The following MIDEAS variants were observed in gnomAD, a reference collection of about 807,000 sequenced individuals.
MIDEAS encodes mitotic deacetylase associated SANT domain protein.
In MIDEAS, 26 loss-of-function variants were observed where a neutral mutation model predicts 102.7. That is an observed-to-expected ratio of 0.25 (90% CI 0.19 to 0.35). The LOEUF (loss-of-function observed/expected upper bound fraction) is 0.35, where lower values mean the gene tolerates loss of function less well. Among genes scored for constraint, MIDEAS ranks in the 10% least tolerant of loss-of-function variants. The probability of loss-of-function intolerance (pLI) is 1.00; values close to 1 mark genes in which losing one functional copy is unlikely to be tolerated. For synonymous variants in MIDEAS, 585 were observed against 591.0 expected, an observed-to-expected ratio of 0.99 and a Z score of 0.15; for missense variants, 1,231 against 1,435.6, an observed-to-expected ratio of 0.86 and a Z score of 2.30.
chr14:73,751,411 G>A (rs1364632781), intron 1 of MIDEAS, among the ~76,000 whole-genome samples: 1 of 152,192 alleles, frequency 6.6e-6, no homozygotes, highest in Non-Finnish European at 1.5e-5. Flanking sequence ...CCACCATGAT[G>A]TTCTGAGATG....
rs998025172 is a variant in MIDEAS at position 73,737,235 on chromosome 14, C to T, written c.1512G>A (p.Val504=). 3.7e-6 allele frequency: 6 copies of T among 1,614,014 alleles called. No homozygotes were observed. In the African/African-American group the frequency reaches 6.7e-5, roughly 18 times the overall value. The change falls in exon 3 of 13, where the codon GTG becomes GTA. Residue 504 remains valine, a synonymous_variant. Transcript: ENST00000423556. The part of the protein sequence containing the change: ...SVLASTTKCG[V]EFSEPSLATK... ...TGGCTAAGGAAGGCTCAGAAAACTC[C>T]ACCCCACACTTGGTAGTTGAGGCCA...
rs1256597424 is a variant in MIDEAS at position 73,735,545 on chromosome 14, C to A, written c.1749+1453G>T. Among the ~76,000 whole-genome samples, 5 of 152,146 alleles carry A rather than the reference C, an allele frequency of 3.3e-5. No individual in the cohort carries two copies. In the East Asian group the frequency reaches 9.6e-4, roughly 29 times the overall value. ...ATAAATAGAAAGATATAAACTGTATCAATTCTCTAAAAGACTGGATAATAA... is the reference window on the plus strand; with the variant it reads ...ATAAATAGAAAGATATAAACTGTATAAATTCTCTAAAAGACTGGATAATAA... On this transcript the variant is annotated intron_variant, in intron 3 of 12. Transcript: ENST00000423556.
chr14:73,767,561 C>G (rs1257819379), intron 1 of MIDEAS, among the ~76,000 whole-genome samples: 1 of 151,644 alleles, frequency 6.6e-6, no homozygotes, highest in African/African-American at 2.4e-5. Flanking sequence ...TTGCTTGAGC[C>G]CAGGAGTTTG....
intron 1 of MIDEAS, among the ~76,000 whole-genome samples, chr14:73,782,636 ACAAGTCTTGCCTG>A (rs1356465567): frequency 6.6e-6 from 1 of 152,096 alleles, no homozygotes; most frequent in Non-Finnish European, 1.5e-5. Context: ...GGCTGTCTTC[ACAAGTCTTGCCTG>A]CAAGTTGGTC....
At chr14:73,783,710 G>T (rs2053777722) in intron 1 of MIDEAS, among the ~76,000 whole-genome samples, 1 of 152,248 alleles carries the variant, frequency 6.6e-6, no homozygotes, top group Non-Finnish European at 1.5e-5. Context: ...AGACGAGAAA[G>T]AAGAAGGTTT....
rs151008977 is a variant in MIDEAS, at chr14:73,722,001, G to C, written c.2725-492C>G. Among the ~76,000 whole-genome samples, 516 of 152,308 alleles carry C rather than the reference G, an allele frequency of 3.4e-3. 1 individual carries two copies. The highest frequency in any genetic ancestry group is 6.1e-3 in the Non-Finnish European group (418 of 68,030). ...GGTGGATACATGGACATAGGATTAA[G>C]TAACCTTCCCTTTTAATTCTCTTTC... On this transcript the variant is annotated intron_variant, in intron 10 of 12. Transcript: ENST00000423556.
Position 73,726,053 on chromosome 14 carries a change from AG to A in MIDEAS, c.2464del (p.Leu822TrpfsTer37). The A allele has an allele frequency of 6.3e-7, 1 of 1,598,630 alleles. No individual in the cohort carries two copies. The highest frequency in any genetic ancestry group is 8.5e-7 in the Non-Finnish European group (1 of 1,173,460). On this transcript the variant is annotated frameshift_variant, in exon 8 of 13. Coordinates refer to ENST00000423556, the MANE Select transcript of MIDEAS (RefSeq NM_001367710.1). LOFTEE classifies it high-confidence loss of function. Reference protein sequence around the residue: ...KKPLRPHNHPLATYHYTGSDQ... With the variant: ...KKPLRPHNHPXATYHYTGSDQ... ...CCCACCTGTGTAGTGATAAGTTGCC[AG>A]CGGATGGTTGTGGGGCCGCAGGGGC...
At chr14:73,789,414 A>C (rs1281208678), upstream of MIDEAS, among the ~76,000 whole-genome samples, 2 of 152,144 alleles carry the variant, frequency 1.3e-5, no homozygotes, top group African/African-American at 2.4e-5. Context: ...CATGTTAATC[A>C]AGACTTCAGA....
chr14:73,745,049 C>A (rs1240537948), intron 1 of MIDEAS, among the ~76,000 whole-genome samples: 2 of 152,184 alleles, frequency 1.3e-5, no homozygotes, highest in Non-Finnish European at 2.9e-5. Context: ...TTCAAGACTG[C>A]GCCCAAGGTG....
chr14:73,773,894 C>T (rs1165479068), intron 1 of MIDEAS, among the ~76,000 whole-genome samples: 6 of 151,416 alleles, frequency 4.0e-5, no homozygotes, highest in African/African-American at 1.2e-4. Flanking sequence ...TGGTGGTGGG[C>T]GCCTGTAGTC....
rs1187896044 is a variant in MIDEAS, at chr14:73,728,274, AAT to A, written c.2096-752_2096-751del. ...TTGCTTAAAAAAAAAAAAAAAAAAA[AAT>A]CTTTGCTCTTTACTGACTCCCTCCT... On this transcript the variant is annotated intron_variant, in intron 4 of 12. Coordinates refer to ENST00000423556, the MANE Select transcript of MIDEAS (RefSeq NM_001367710.1). 7 of 149,300 alleles carry A rather than the reference AAT, an allele frequency of 4.7e-5. 1 individual carries two copies. The highest frequency in any genetic ancestry group is 2.1e-4 in the South Asian group (1 of 4,730). The allele number at this position is 149,300 out of a possible 1,614,324, so 9.2% of individuals were successfully genotyped here.
At chr14:73,751,549 T>G (rs1662388175) in intron 1 of MIDEAS, among the ~76,000 whole-genome samples, 1 of 151,680 alleles carries the variant, frequency 6.6e-6, no homozygotes, top group African/African-American at 2.4e-5. Context: ...TAAGAGGAAG[T>G]CACACCCCTT....
chr14:73,737,177 G>A lies in MIDEAS; in HGVS notation c.1570C>T (p.Pro524Ser). 1 of 1,614,118 alleles carries A rather than the reference G, an allele frequency of 6.2e-7. No individual in the cohort carries two copies. Among genetic ancestry groups the A allele is most frequent in the South Asian group, 1.1e-5 (1 of 91,082 alleles). The part of the protein sequence containing the change: ...KRAREDSGMV[P>S]LIIPVSVPVR... ...GGCACAGACACTGGGATGATGAGGG[G>A]TACCATCCCACTGTCTTCTCGTGCT... The change falls in exon 3 of 13, where the codon CCC becomes TCC. Residue 524 changes from proline (P) to serine (S), a missense_variant. Around this residue, in one of 5 missense-constraint regions of MIDEAS, gnomAD observed 758 missense variants for 856.0 expected, o/e 0.89. Transcript: ENST00000423556.
chr14:73,774,003 C>G (rs1257483742), intron 1 of MIDEAS, among the ~76,000 whole-genome samples: 2 of 134,664 alleles, frequency 1.5e-5, no homozygotes, highest in African/African-American at 5.7e-5. Flanking sequence ...GCCTAGGTGA[C>G]AGGGTGAGAC....
At chr14:73,756,304 G>A (rs1398714020) in intron 1 of MIDEAS, among the ~76,000 whole-genome samples, 1 of 104,542 alleles carries the variant, frequency 9.6e-6, no homozygotes, top group Non-Finnish European at 2.4e-5. Context: ...GTGCGCGCGC[G>A]CGTGCGCGCT....
intron 1 of MIDEAS, among the ~76,000 whole-genome samples, chr14:73,784,218 G>A (rs1289934883): frequency 6.6e-6 from 1 of 152,242 alleles, no homozygotes; most frequent in Non-Finnish European, 1.5e-5. Context: ...GGCTGCTCAG[G>A]AGCCGTGAAC....
rs552291625 is a variant in MIDEAS, at chr14:73,748,476, A to G, written c.-247-8221T>C. The stretch of plus-strand genomic sequence containing the variant: ...AACCCAAGAGGTGGAGGTTGCAGTG[A>G]GCCCAGATTGCGCCACTGCACTCCA... On this transcript the variant is annotated intron_variant, in intron 1 of 12. Transcript: ENST00000423556. Among the ~76,000 whole-genome samples, 8 of 152,354 alleles carry G rather than the reference A, an allele frequency of 5.3e-5. No homozygotes were observed. In the South Asian group the frequency reaches 8.3e-4, roughly 16 times the overall value.
intron 1 of MIDEAS, among the ~76,000 whole-genome samples, chr14:73,758,202 G>A (rs1253267777): frequency 6.6e-6 from 1 of 152,232 alleles, no homozygotes; most frequent in Non-Finnish European, 1.5e-5. Flanking sequence ...TCACTGTCCA[G>A]AGCAGTTGGA....
chr14:73,786,423 G>A (rs899624037), intron 1 of MIDEAS, among the ~76,000 whole-genome samples: 4 of 152,340 alleles, frequency 2.6e-5, no homozygotes, highest in Non-Finnish European at 5.9e-5. Context: ...ACTCACATAT[G>A]TACGTGGGTG....
Sources: allele counts gnomAD v4.1 joint callset (sites outside exome capture counted in the v4.1 genomes callset), GRCh38; gene constraint gnomAD v4.1.1; regional missense constraint gnomAD v4.1.1; transcripts MANE v1.5; gene names NCBI Gene and HGNC (gene_info 2026-07-23, HGNC 2026-07-21).